Variants in LRRC37A2 observed in about 807,000 individuals in gnomAD.
LRRC37A2 encodes leucine-rich repeat-containing protein 37A2.
LRRC37A2 carries 9 observed loss-of-function variants against 68.8 expected under a neutral mutation model. The ratio of observed to expected loss-of-function variants is 0.13; its 90% CI spans 0.08 to 0.23. The LOEUF (loss-of-function observed/expected upper bound fraction) is 0.23. LRRC37A2 is among the 10% of genes least tolerant of loss of function. The pLI, the probability that LRRC37A2 is intolerant of heterozygous loss-of-function variation, is 1.00. For missense variants in LRRC37A2, 168 were observed against 950.4 expected (o/e 0.18, Z 10.82); for synonymous variants, 63 against 367.6 (o/e 0.17, Z 9.48).
At chr17:46,500,531 T>G in the LRRC37A2 span, among the ~76,000 whole-genome samples, 1 of 149,772 alleles carries the variant, frequency 6.7e-6, no homozygotes, top group Admixed American at 6.6e-5. Context: ...GGAAGGACTG[T>G]TTCGAGGCAG....
At chr17:46,789,741 C>A in the LRRC37A2 span, among the ~76,000 whole-genome samples, 2 of 152,186 alleles carry the variant, frequency 1.3e-5, no homozygotes, top group Non-Finnish European at 2.9e-5. Flanking sequence ...GTGCACTGGA[C>A]ACTGCCCAGG....
chr17:46,392,429 C>CTT, the LRRC37A2 span, among the ~76,000 whole-genome samples: 1,117 of 26,750 alleles, frequency 0.042, 48 homozygotes, highest in Non-Finnish European at 0.1. Flanking sequence ...CTCTTTCTTT[C>CTT]TCTCTTTCTT....
chr17:46,731,541 A>C, the LRRC37A2 span, among the ~76,000 whole-genome samples: 50 of 152,334 alleles, frequency 3.3e-4, no homozygotes, highest in African/African-American at 1.2e-3. Flanking sequence ...TTTAGGAGCT[A>C]CTTAAATGAT....
the LRRC37A2 span, among the ~76,000 whole-genome samples, chr17:46,810,004 C>CTTTTTTT: frequency 2.4e-5 from 3 of 126,370 alleles, no homozygotes; most frequent in African/African-American, 3.0e-5. Context: ...TTCTTTCTTT[C>CTTTTTTT]TTTTTTTTTT....
the LRRC37A2 span, chr17:46,966,697 A>C: frequency 4.9e-5 from 25 of 512,330 alleles, no homozygotes; most frequent in Non-Finnish European, 7.7e-5. Flanking sequence ...GGTTCTATCA[A>C]CTATTAGCTG....
chr17:46,569,270 A>G, the LRRC37A2 span, among the ~76,000 whole-genome samples: 14 of 151,022 alleles, frequency 9.3e-5, no homozygotes, highest in Admixed American at 3.3e-4. Context: ...ATACAACTGG[A>G]GAAATTAGAA....
chr17:46,728,965 TAAC>T, the LRRC37A2 span: 1 of 1,321,316 alleles, frequency 7.6e-7, no homozygotes, highest in Non-Finnish European at 1.1e-6. Flanking sequence ...AGGAATATTT[TAAC>T]AAAGAGTTTT....
At chr17:47,020,699 G>A in the LRRC37A2 span, among the ~76,000 whole-genome samples, 8 of 145,106 alleles carry the variant, frequency 5.5e-5, no homozygotes, top group Non-Finnish European at 9.0e-5. Context: ...GGAGAATGGC[G>A]TGAACCTGGG....
chr17:46,820,591 C>T, the LRRC37A2 span, among the ~76,000 whole-genome samples: 15 of 152,174 alleles, frequency 9.9e-5, 1 homozygote, highest in East Asian at 2.7e-3. Flanking sequence ...TAGAGATGCT[C>T]CTCATGGCTG....
At chr17:46,876,728 C>T in the LRRC37A2 span, 1 of 1,524,104 alleles carries the variant, frequency 6.6e-7, no homozygotes, top group Non-Finnish European at 8.8e-7. Context: ...GGCCTACTGC[C>T]CAGCAAGCCA....
the LRRC37A2 span, chr17:46,978,700 A>C: frequency 6.2e-7 from 1 of 1,611,854 alleles, no homozygotes; most frequent in Non-Finnish European, 8.5e-7. Flanking sequence ...GCGCTCCTGC[A>C]CCAGAAAGTT....
chr17:46,935,378 A>G, the LRRC37A2 span: 115 of 1,441,736 alleles, frequency 8.0e-5, no homozygotes, highest in Non-Finnish European at 1.0e-4. Flanking sequence ...CTTGAAACAA[A>G]CCATGAAGTG....
the LRRC37A2 span, chr17:46,821,349 C>G: frequency 3.3e-5 from 5 of 152,276 alleles, no homozygotes; most frequent in African/African-American, 4.8e-5. Context: ...TCCTTTCCCC[C>G]AGGTGTCCTT....
chr17:46,731,946 A>T, the LRRC37A2 span, among the ~76,000 whole-genome samples: 1 of 152,226 alleles, frequency 6.6e-6, no homozygotes, highest in Non-Finnish European at 1.5e-5. Context: ...CAAGAAAATA[A>T]GGGGAAATTT....
the LRRC37A2 span, chr17:46,941,231 G>T: frequency 6.0e-6 from 6 of 996,138 alleles, no homozygotes; most frequent in East Asian, 1.0e-4. Flanking sequence ...TGATTTTTTA[G>T]ACTTCACTGC....
the LRRC37A2 span, among the ~76,000 whole-genome samples, chr17:46,962,391 A>G: frequency 6.6e-6 from 1 of 151,862 alleles, no homozygotes; most frequent in Non-Finnish European, 1.5e-5. Context: ...CCAATGAACC[A>G]TGCCTCCCAG....
chr17:46,938,478 G>C, the LRRC37A2 span: 23 of 1,484,636 alleles, frequency 1.5e-5, no homozygotes, highest in South Asian at 1.9e-4. Flanking sequence ...ATTGCTTTCT[G>C]TGTATTCTGG....
chr17:46,724,789 T>TAAGG, the LRRC37A2 span, among the ~76,000 whole-genome samples: 621 of 152,330 alleles, frequency 4.1e-3, 1 homozygote, highest in Non-Finnish European at 6.8e-3. Context: ...AGTGAATGAA[T>TAAGG]AAGGCAGCAC....
the LRRC37A2 span, among the ~76,000 whole-genome samples, chr17:46,889,916 G>A: frequency 4.6e-5 from 7 of 152,136 alleles, no homozygotes; most frequent in Admixed American, 2.6e-4. Flanking sequence ...CACCTACATC[G>A]CAAGGATCAT....
Sources: allele counts gnomAD v4.1 joint callset (sites outside exome capture counted in the v4.1 genomes callset), GRCh38; gene constraint gnomAD v4.1.1; transcripts MANE v1.5; gene names NCBI Gene and HGNC (gene_info 2026-07-23, HGNC 2026-07-21).